Variants in CCDC125 observed in about 807,000 individuals in gnomAD.
The protein encoded by CCDC125 is coiled-coil domain-containing protein 125.
In CCDC125, 43 loss-of-function variants were observed where a neutral mutation model predicts 57.4. The ratio of observed to expected loss-of-function variants is 0.75; its 90% CI spans 0.59 to 0.97. The LOEUF (loss-of-function observed/expected upper bound fraction) is 0.97. CCDC125 is among the 50% of genes least tolerant of loss of function. CCDC125 has a pLI of 0.00. For missense variants in CCDC125, 563 were observed against 595.7 expected (o/e 0.95, Z 0.57); for synonymous variants, 187 against 195.2 (o/e 0.96, Z 0.35).
chr5:69,314,392 G>C (rs1758659404), intron 2 of CCDC125, among the ~76,000 whole-genome samples: 1 of 151,684 alleles, frequency 6.6e-6, no homozygotes, highest in African/African-American at 2.4e-5. Context: ...TTGAACCCGG[G>C]ACATGGAGGT....
intron 2 of CCDC125, among the ~76,000 whole-genome samples, chr5:69,316,081 C>T (rs912166581): frequency 5.3e-5 from 8 of 152,084 alleles, no homozygotes; most frequent in Non-Finnish European, 7.3e-5. Flanking sequence ...ATTAACATGA[C>T]AGTATCTAAG....
In CCDC125 at chr5:69,320,360, G is replaced by T. The variant is rs1759833291; in HGVS notation, c.181C>A (p.Pro61Thr). Residue 61 changes from proline to threonine, a missense_variant, in exon 2 of 12, where the codon CCA becomes ACA. By Grantham distance (38) the Pro-to-Thr change is conservative. Coordinates refer to ENST00000396496, the MANE Select transcript of CCDC125 (RefSeq NM_176816.5). Reference sequence around the variant, plus strand: ...CTTTCTTCTCCCTTTCTCGGAAATGGAGGAGGGCTAAAGTTCTTTCCATCT... The same window carrying T: ...CTTTCTTCTCCCTTTCTCGGAAATGTAGGAGGGCTAAAGTTCTTTCCATCT... Reference protein sequence around the residue: ...RSDGKNFSPPPFPRKGEERNE... With the variant: ...RSDGKNFSPPTFPRKGEERNE... The T allele has an allele frequency of 1.2e-6, 2 of 1,614,000 alleles. No homozygotes were observed. The highest frequency in any genetic ancestry group is 1.7e-6 in the Non-Finnish European group (2 of 1,180,002).
downstream of CCDC125, among the ~76,000 whole-genome samples, chr5:69,275,305 T>C (rs548515585): frequency 6.2e-4 from 94 of 152,198 alleles, no homozygotes; most frequent in Non-Finnish European, 8.8e-4. Context: ...TTAGAATCCA[T>C]TGGTTCCAAC....
intron 9 of CCDC125, chr5:69,294,084 A>G (rs1254321661): frequency 3.2e-6 from 3 of 930,642 alleles, no homozygotes; most frequent in Admixed American, 6.2e-5. Flanking sequence ...GCTGGGACAA[A>G]GGTTCCTTTC....
rs1161082393 is a variant in CCDC125 at position 69,315,444 on chromosome 5, AAAAAACAAAAAAAAAAAC to A, written c.305-1416_305-1399del. On this transcript the variant is annotated intron_variant, in intron 2 of 11. Coordinates refer to ENST00000396496, the MANE Select transcript of CCDC125 (RefSeq NM_176816.5). ...CAGAGCGAGATTCTGTCTCAAAAAA[AAAAAACAAAAAAAAAAAC>A]AAAAAAAAAAAAGGCCAGGTGTGGT... Among the ~76,000 whole-genome samples, 6 of 28,372 alleles carry A rather than the reference AAAAAACAAAAAAAAAAAC, an allele frequency of 2.1e-4. 1 individual carries two copies. Among genetic ancestry groups the A allele is most frequent in the Non-Finnish European group, 7.5e-4 (6 of 7,964 alleles). 18.6% of individuals were successfully genotyped at this position (28,372 alleles called of 152,430 possible).
chr5:69,275,543 TCTGAAATGCTC>T (rs1338435530), downstream of CCDC125, among the ~76,000 whole-genome samples: 1 of 152,170 alleles, frequency 6.6e-6, no homozygotes, highest in Non-Finnish European at 1.5e-5. Flanking sequence ...ATATCCGAAA[TCTGAAATGCTC>T]CAAAATCCAA....
At chr5:69,323,339 C>G (rs1760335572) in intron 1 of CCDC125, among the ~76,000 whole-genome samples, 1 of 151,834 alleles carries the variant, frequency 6.6e-6, no homozygotes, top group Non-Finnish European at 1.5e-5. Flanking sequence ...ATTTGTTAAT[C>G]AAAAAGGTAT....
At chr5:69,320,629 AC>A in intron 1 of CCDC125, 49 bp from the exon 2 acceptor site, 1 of 790,178 alleles carries the variant, frequency 1.3e-6, no homozygotes, top group Non-Finnish European at 2.1e-6. Flanking sequence ...AGATCCAGCA[AC>A]CCCACCTCTC....
At chr5:69,279,843 A>AC (rs34863973), downstream of CCDC125, among the ~76,000 whole-genome samples, 49,588 of 151,964 alleles carry the variant, frequency 0.33, 8,067 homozygotes, top group East Asian at 0.39. Context: ...AAAGAATACT[A>AC]CCCAAGACTC....
Position 69,317,670 on chromosome 5 carries a change from G to A in CCDC125, c.304+2567C>T, listed in dbSNP as rs183135233. On this transcript the variant is annotated intron_variant, in intron 2 of 11. Coordinates refer to ENST00000396496, the MANE Select transcript of CCDC125 (RefSeq NM_176816.5). ...GGCATGGGCTTATCCACAGACTCCC[G>A]ATCATTTTGGAGTTGTAACATTTTA... Among the ~76,000 whole-genome samples the A allele has an allele frequency of 9.2e-5, 14 of 152,250 alleles. No homozygotes were observed. In the East Asian group the frequency reaches 2.3e-3, roughly 25 times the overall value.
intron 10 of CCDC125, among the ~76,000 whole-genome samples, chr5:69,286,390 T>C (rs914201838): frequency 1.1e-4 from 17 of 150,932 alleles, no homozygotes; most frequent in East Asian, 3.9e-4. Flanking sequence ...CGCCACCACG[T>C]CCGGCTAATT....
intron 3 of CCDC125, among the ~76,000 whole-genome samples, chr5:69,312,361 C>A (rs1012060805): frequency 2.6e-5 from 4 of 152,192 alleles, no homozygotes; most frequent in Non-Finnish European, 5.9e-5. Flanking sequence ...AAACAGATTT[C>A]TGCTGTTTTA....
chr5:69,276,432 A>C (rs982388949), downstream of CCDC125: 1 of 866,538 alleles, frequency 1.2e-6, no homozygotes. Context: ...GTTGGGAATG[A>C]GGGCATTCAC....
At chr5:69,306,182 C>T (rs1036245553) in intron 6 of CCDC125, among the ~76,000 whole-genome samples, 3 of 151,678 alleles carry the variant, frequency 2.0e-5, no homozygotes, top group African/African-American at 7.3e-5. Flanking sequence ...CCACCTCAGG[C>T]TCCCAAAGTG....
chr5:69,327,033 G>A (rs924714848), intron 1 of CCDC125, among the ~76,000 whole-genome samples: 2 of 151,744 alleles, frequency 1.3e-5, no homozygotes, highest in Non-Finnish European at 2.9e-5. Flanking sequence ...GCAAGACCCT[G>A]TCTCTAAAAA....
At chr5:69,295,051 G>C (rs776915366) in intron 8 of CCDC125, 151 bp from the exon 9 acceptor site, 12 of 551,320 alleles carry the variant, frequency 2.2e-5, no homozygotes, top group Non-Finnish European at 3.2e-5. Flanking sequence ...ATAGAAGAAA[G>C]CTGAGACTGG....
At chr5:69,298,466 G>A (rs1755791911) in intron 8 of CCDC125, among the ~76,000 whole-genome samples, 1 of 152,214 alleles carries the variant, frequency 6.6e-6, no homozygotes, top group Non-Finnish European at 1.5e-5. Flanking sequence ...AGCACGGAGT[G>A]AGCTTTCAGT....
At chr5:69,288,443 TA>T (rs1326172815) in intron 10 of CCDC125, among the ~76,000 whole-genome samples, 5 of 152,106 alleles carry the variant, frequency 3.3e-5, no homozygotes, top group Admixed American at 2.0e-4. Context: ...GAAGCCTCCA[TA>T]AAAACCCAAA....
Position 69,281,144 on chromosome 5 carries a change from A to G in CCDC125, c.*1585T>C, listed in dbSNP as rs1752446262. 6.6e-6 allele frequency: 1 copy of G among 152,262 alleles called. No homozygotes were observed. The highest frequency in any genetic ancestry group is 1.5e-5 in the Non-Finnish European group (1 of 68,048). The allele number at this position is 152,262 out of a possible 1,614,324, so 9.4% of individuals were successfully genotyped here. A position where few individuals can be genotyped will look rare whatever the true frequency, so the allele number is the denominator to read the frequency against. On this transcript the variant is annotated 3_prime_UTR_variant, in exon 12 of 12. Coordinates refer to ENST00000396496, the MANE Select transcript of CCDC125 (RefSeq NM_176816.5). ...TAAGATATCTGTGCGCCAGCCTACA[A>G]GAAATACAAATGTACAGGGTAAAAT...
Sources: allele counts gnomAD v4.1 joint callset (sites outside exome capture counted in the v4.1 genomes callset), GRCh38; gene constraint gnomAD v4.1.1; transcripts MANE v1.5; gene names NCBI Gene and HGNC (gene_info 2026-07-23, HGNC 2026-07-21).